TESK2: variants seen among roughly 807,000 people sequenced by gnomAD.
TESK2 encodes testis associated actin remodelling kinase 2.
Under a neutral mutation model 57.1 loss-of-function variants are expected in TESK2, and 39 were observed. That is an observed-to-expected ratio of 0.68 (90% CI 0.53 to 0.89). The LOEUF (loss-of-function observed/expected upper bound fraction) is 0.89, where lower values mean the gene tolerates loss of function less well. Among genes scored for constraint, TESK2 ranks in the 40% least tolerant of loss-of-function variants. TESK2 has a pLI of 0.00. For synonymous variants in TESK2, 249 were observed against 267.9 expected (o/e 0.93, Z 0.69); for missense variants, 646 against 732.1 (o/e 0.88, Z 1.36).
At chr1:45,418,673 C>A (rs529254090) in intron 3 of TESK2, among the ~76,000 whole-genome samples, 1 of 152,052 alleles carries the variant, frequency 6.6e-6, no homozygotes, top group South Asian at 2.1e-4. Context: ...ATACAACATG[C>A]CTTCAATAAA....
In TESK2 at chr1:45,355,307, G is replaced by C. The variant is rs534232934; in HGVS notation, c.536C>G (p.Ser179Cys). 2.5e-6 allele frequency: 4 copies of C among 1,614,084 alleles called. No homozygotes were observed. In the South Asian group the frequency reaches 4.4e-5, roughly 18 times the overall value. ...GTGAGAGTAAAGCCTTCATACCTTA[G>C]ATGTGAGGTCCCGATGAAAAATGCC... ...FKGIFHRDLT[S>C]KNCLIKRDEN... Residue 179 changes from serine to cysteine, a missense_variant, in exon 5 of 11, where the codon TCT becomes TGT. Physicochemically the swap from Ser to Cys is moderately radical, Grantham distance 112. Coordinates refer to ENST00000372086, the MANE Select transcript of TESK2 (RefSeq NM_007170.3).
At chr1:45,392,039 C>A (rs1162877931) in intron 3 of TESK2, among the ~76,000 whole-genome samples, 3 of 152,198 alleles carry the variant, frequency 2.0e-5, no homozygotes, top group Non-Finnish European at 4.4e-5. Context: ...TCTTGCTAAT[C>A]TAACATTTCT....
chr1:45,431,231 A>G (rs1650939163), intron 2 of TESK2, among the ~76,000 whole-genome samples: 1 of 152,160 alleles, frequency 6.6e-6, no homozygotes, highest in Admixed American at 6.5e-5. Context: ...ATCCTGGCTA[A>G]TATGGTGAAA....
At chr1:45,456,674 T>C (rs1207144513) in intron 2 of TESK2, among the ~76,000 whole-genome samples, 1 of 151,938 alleles carries the variant, frequency 6.6e-6, no homozygotes, top group Non-Finnish European at 1.5e-5. Flanking sequence ...TCTTAGGCAA[T>C]GCCTATTAGT....
intron 1 of TESK2, among the ~76,000 whole-genome samples, chr1:45,475,597 G>A (rs772770812): frequency 9.9e-5 from 15 of 152,148 alleles, no homozygotes; most frequent in Non-Finnish European, 1.5e-4. Context: ...ATAAATTGTT[G>A]GTAACTGTGA....
intron 3 of TESK2, among the ~76,000 whole-genome samples, chr1:45,388,978 C>G (rs1649026086): frequency 6.6e-6 from 1 of 152,108 alleles, no homozygotes; most frequent in Admixed American, 6.6e-5. Flanking sequence ...TCTCAGCCTC[C>G]CAAAGTGCTG....
chr1:45,344,980 A>T lies in TESK2; in HGVS notation c.1576T>A (p.Ser526Thr), dbSNP rs1396216847. The change falls in exon 11 of 11, where the codon TCC becomes ACC. Residue 526 changes from serine to threonine, a missense_variant. Physicochemically the swap from Ser to Thr is moderately conservative, Grantham distance 58. Transcript: ENST00000372086. ...SILQEENGFG[S>T]RPQGTSPCPA... ...CATGGACTGGTCCCCTGGGGCCTGG[A>T]CCCAAAACCATTTTCTTCCTGGAGA... The T allele has an allele frequency of 1.2e-6, 2 of 1,614,176 alleles. No homozygotes were observed. Among genetic ancestry groups the T allele is most frequent in the Non-Finnish European group, 1.7e-6 (2 of 1,180,014 alleles).
chr1:45,357,559 TAAA>T (rs775657953), intron 4 of TESK2, among the ~76,000 whole-genome samples: 6 of 115,018 alleles, frequency 5.2e-5, no homozygotes, highest in Non-Finnish European at 5.8e-5. Context: ...GCTTTTTTAG[TAAA>T]AAAAAAAAAA....
chr1:45,433,549 G>C (rs1196360506), intron 2 of TESK2, among the ~76,000 whole-genome samples: 1 of 152,108 alleles, frequency 6.6e-6, no homozygotes, highest in Non-Finnish European at 1.5e-5. Context: ...GTCTCTCTGT[G>C]CTTGGCTTAT....
chr1:45,346,663 G>A (rs781007750), intron 9 of TESK2, 30 bp downstream of exon 9: 1 of 1,592,252 alleles, frequency 6.3e-7, no homozygotes, highest in South Asian at 1.1e-5. Flanking sequence ...GCCAGCCCCT[G>A]ATGAAAGGCA....
chr1:45,415,220 G>A, intron 3 of TESK2: 1 of 1,484,548 alleles, frequency 6.7e-7, no homozygotes. Flanking sequence ...CGGTTGGATG[G>A]CAAGCATGTG....
At chr1:45,394,271 C>T (rs1649267543) in intron 3 of TESK2, among the ~76,000 whole-genome samples, 1 of 150,400 alleles carries the variant, frequency 6.6e-6, no homozygotes, top group Non-Finnish European at 1.5e-5. Flanking sequence ...TCTCCTGTCT[C>T]ACTGTCTCAG....
intron 1 of TESK2, among the ~76,000 whole-genome samples, chr1:45,488,361 G>A (rs12743512): frequency 0.4 from 61,352 of 151,934 alleles, 13,094 homozygotes; most frequent in East Asian, 0.58. Flanking sequence ...ACATCGATAA[G>A]GCCATCTGTT....
chr1:45,345,034 G>C lies in TESK2; in HGVS notation c.1522C>G (p.Gln508Glu). ...GAGCAGTCCATAGCCTCATGGGCTTGAGCAGCTGGTAGGGCAGATGCCCGG... is the reference window on the plus strand; with the variant it reads ...GAGCAGTCCATAGCCTCATGGGCTTCAGCAGCTGGTAGGGCAGATGCCCGG... ...PFRASALPAA[Q>E]AHEAMDCSIL... Residue 508 changes from glutamine (Q) to glutamate (E), a missense_variant, in exon 11 of 11, where the codon CAA becomes GAA. Gln to Glu is a conservative substitution (Grantham distance 29). Transcript: ENST00000372086. The C allele has an allele frequency of 1.2e-6, 2 of 1,614,246 alleles. No individual in the cohort carries two copies. The highest frequency in any genetic ancestry group is 1.7e-6 in the Non-Finnish European group (2 of 1,180,044).
chr1:45,484,035 G>A (rs183535187), intron 1 of TESK2, among the ~76,000 whole-genome samples: 1 of 147,972 alleles, frequency 6.8e-6, no homozygotes, highest in Admixed American at 6.7e-5. Flanking sequence ...ATTTTCTACC[G>A]CACAGGGGTT....
At position 45,452,032 on chromosome 1, in the gene TESK2, C is replaced by CAAAAAAAAAAAAAAAAAAA. The variant is rs566363776; in HGVS notation, c.222+5531_222+5532insTTTTTTTTTTTTTTTTTTT. 2.5e-4 allele frequency among the ~76,000 whole-genome samples: 26 copies of CAAAAAAAAAAAAAAAAAAA among 103,822 alleles called. 1 individual carries two copies. The highest frequency in any genetic ancestry group is 0.011 in the Middle Eastern group (2 of 180). 68.1% of individuals were successfully genotyped at this position (103,822 alleles called of 152,430 possible). A position where few individuals can be genotyped will look rare whatever the true frequency, so the allele number is the denominator to read the frequency against. ...TGGGAGACAGAACAAGACTCCGTCTCAAAAAAAAAAAAAAATTTATTTGGT... is the reference window on the plus strand; with the variant it reads ...TGGGAGACAGAACAAGACTCCGTCTCAAAAAAAAAAAAAAAAAAAAAAAAAAAAAAAAAATTTATTTGGT... On this transcript the variant is annotated intron_variant, in intron 2 of 10. Transcript: ENST00000372086.
rs201995698 is a variant in TESK2 at position 45,345,888 on chromosome 1, G to A, written c.986C>T (p.Pro329Leu). The A allele has an allele frequency of 8.1e-6, 13 of 1,613,728 alleles. No homozygotes were observed. In the African/African-American group the frequency reaches 1.6e-4, roughly 20 times the overall value. ...EEQERDRKLQ[P>L]TARGLLEKAP... ...GTCTAATCTCTTACCCCTGGCTGTG[G>A]GCTGCAGCTTCCTATCCCTCTCCTG... The change falls in exon 10 of 11, where the codon CCC (proline) becomes CTC (leucine). Residue 329 changes from proline to leucine, a missense_variant. Pro to Leu is a moderately conservative substitution (Grantham distance 98). Transcript: ENST00000372086.
At chr1:45,451,432 A>C (rs1200422900) in intron 2 of TESK2, among the ~76,000 whole-genome samples, 1 of 152,208 alleles carries the variant, frequency 6.6e-6, no homozygotes, top group Non-Finnish European at 1.5e-5. Flanking sequence ...ATATGAGTGC[A>C]AAAGTGTGGC....
intron 4 of TESK2, among the ~76,000 whole-genome samples, chr1:45,364,443 G>C (rs1647823507): frequency 6.6e-6 from 1 of 152,170 alleles, no homozygotes; most frequent in South Asian, 2.1e-4. Context: ...AAGGCAAGAA[G>C]GATCTTCCCG....
Sources: allele counts gnomAD v4.1 joint callset (sites outside exome capture counted in the v4.1 genomes callset), GRCh38; gene constraint gnomAD v4.1.1; transcripts MANE v1.5; gene names NCBI Gene and HGNC (gene_info 2026-07-23, HGNC 2026-07-21).